The following PDE4B variants were observed in gnomAD, a reference collection of about 807,000 sequenced individuals.
PDE4B encodes phosphodiesterase 4B.
Under a neutral mutation model 82.2 loss-of-function variants are expected in PDE4B, and 20 were observed. The ratio of observed to expected loss-of-function variants is 0.24; its 90% CI spans 0.17 to 0.35. The LOEUF is 0.35. PDE4B is among the 10% of genes least tolerant of loss of function. The probability of loss-of-function intolerance (pLI) is 1.00; values close to 1 mark genes in which losing one functional copy is unlikely to be tolerated. For missense variants in PDE4B, 655 were observed against 907.2 expected (o/e 0.72, Z 3.57); for synonymous variants, 320 against 318.9 (o/e 1.00, Z -0.04).
At chr1:66,292,098 T>C (rs1657128653) in intron 7 of PDE4B, among the ~76,000 whole-genome samples, 1 of 152,210 alleles carries the variant, frequency 6.6e-6, no homozygotes, top group Non-Finnish European at 1.5e-5. Flanking sequence ...AGATGATTCT[T>C]GTATAAATCG....
chr1:66,371,807 T>C (rs976757690), intron 16 of PDE4B, among the ~76,000 whole-genome samples: 10 of 152,200 alleles, frequency 6.6e-5, no homozygotes, highest in African/African-American at 2.2e-4. Context: ...GGAAAAAATA[T>C]TGAGTCAAAA....
intron 16 of PDE4B, 47 bp downstream of exon 16, chr1:66,369,016 T>C (rs766552529): frequency 7.0e-7 from 1 of 1,418,494 alleles, no homozygotes; most frequent in Non-Finnish European, 9.7e-7. Context: ...CTGCTGATTA[T>C]AGAGCTGGAG....
At chr1:66,207,175 A>G (rs548841106) in intron 3 of PDE4B, among the ~76,000 whole-genome samples, 1 of 152,232 alleles carries the variant, frequency 6.6e-6, no homozygotes, top group African/African-American at 2.4e-5. Flanking sequence ...TTTTGTTTCC[A>G]GAGTAACTTG....
At chr1:66,097,844 T>C (rs1057456554) in intron 3 of PDE4B, among the ~76,000 whole-genome samples, 1 of 149,146 alleles carries the variant, frequency 6.7e-6, no homozygotes, top group African/African-American at 2.4e-5. Flanking sequence ...TTTTAGATAA[T>C]ACATTGTTTG....
intron 3 of PDE4B, among the ~76,000 whole-genome samples, chr1:66,077,763 AGACTTCCC>A (rs1656508454): frequency 6.6e-6 from 1 of 152,198 alleles, no homozygotes; most frequent in South Asian, 2.1e-4. Context: ...AGAAATAAAT[AGACTTCCC>A]GATTCAAATC....
intron 1 of PDE4B, among the ~76,000 whole-genome samples, chr1:65,818,463 C>G (rs1017354913): frequency 4.6e-5 from 7 of 151,904 alleles, no homozygotes; most frequent in African/African-American, 1.7e-4. Flanking sequence ...TTAATGGGCT[C>G]CCTTTTACCT....
chr1:65,836,745 A>G (rs979714138), intron 1 of PDE4B, among the ~76,000 whole-genome samples: 10 of 152,262 alleles, frequency 6.6e-5, no homozygotes, highest in Non-Finnish European at 1.2e-4. Context: ...ATCATCATAT[A>G]AAAGATTATT....
intron 3 of PDE4B, among the ~76,000 whole-genome samples, chr1:66,161,304 A>G (rs1299426043): frequency 6.6e-6 from 1 of 152,078 alleles, no homozygotes; most frequent in African/African-American, 2.4e-5. Context: ...ACACAATCAC[A>G]CACAATGGTC....
chr1:65,985,121 T>C (rs185791954), intron 3 of PDE4B, among the ~76,000 whole-genome samples: 1 of 152,294 alleles, frequency 6.6e-6, no homozygotes, highest in East Asian at 1.9e-4. Flanking sequence ...TCAGCTGATC[T>C]TGATCTAACC....
intron 3 of PDE4B, among the ~76,000 whole-genome samples, chr1:66,150,238 A>G (rs1276928261): frequency 6.6e-6 from 1 of 152,184 alleles, no homozygotes; most frequent in Non-Finnish European, 1.5e-5. Flanking sequence ...GTAACCCCAT[A>G]AGAATTCTGG....
At chr1:65,817,116 G>T (rs1223633737) in intron 1 of PDE4B, among the ~76,000 whole-genome samples, 1 of 152,130 alleles carries the variant, frequency 6.6e-6, no homozygotes, top group Admixed American at 6.5e-5. Context: ...TCTAAAGCCA[G>T]TGTGAAATTG....
rs566997423 is a variant in PDE4B at position 66,203,447 on chromosome 1, A to C, written c.282-44013A>C. ...GGTAATATCCTGCAGAGTGTTTTCC[A>C]ACTTGGTTCCATTCTCCCTGTCACT... is the stretch of plus-strand genomic sequence containing the variant. On this transcript the variant is annotated intron_variant, in intron 3 of 16. Coordinates refer to ENST00000341517, the MANE Select transcript of PDE4B (RefSeq NM_002600.4). Among the ~76,000 whole-genome samples, 19 of 152,290 alleles carry C rather than the reference A, an allele frequency of 1.2e-4. No homozygotes were observed. In the East Asian group the frequency reaches 3.7e-3, roughly 29 times the overall value.
intron 9 of PDE4B, among the ~76,000 whole-genome samples, chr1:66,361,386 T>A (rs886473261): frequency 1.3e-5 from 2 of 152,222 alleles, no homozygotes; most frequent in Admixed American, 6.5e-5. Context: ...CCTCTGGGCC[T>A]TAATTTGCCT....
At chr1:66,227,336 T>A (rs1372773815) in intron 3 of PDE4B, among the ~76,000 whole-genome samples, 1 of 152,206 alleles carries the variant, frequency 6.6e-6, no homozygotes, top group African/African-American at 2.4e-5. Flanking sequence ...TTTTTGATGC[T>A]TAACAGCTCT....
intron 3 of PDE4B, among the ~76,000 whole-genome samples, chr1:66,036,908 G>T (rs1444132839): frequency 6.6e-6 from 1 of 152,032 alleles, no homozygotes; most frequent in African/African-American, 2.4e-5. Context: ...GCCAACACAG[G>T]CAGATCATGA....
At position 66,241,528 on chromosome 1, in the gene PDE4B, A is replaced by T. The variant is rs573252454; in HGVS notation, c.282-5932A>T. Among the ~76,000 whole-genome samples, 4 of 151,708 alleles carry T rather than the reference A, an allele frequency of 2.6e-5. No homozygotes were observed. In the East Asian group the frequency reaches 7.8e-4, roughly 29 times the overall value. On this transcript the variant is annotated intron_variant, in intron 3 of 16. Coordinates refer to ENST00000341517, the MANE Select transcript of PDE4B (RefSeq NM_002600.4). ...TTTTCTTTTTTTTTCTTTTTGTGAGACTGAGTCTCACTCTGTTGCTCAGCT... is the reference window on the plus strand; with the variant it reads ...TTTTCTTTTTTTTTCTTTTTGTGAGTCTGAGTCTCACTCTGTTGCTCAGCT...
chr1:65,816,637 C>A (rs1025239936), intron 1 of PDE4B, among the ~76,000 whole-genome samples: 9 of 151,894 alleles, frequency 5.9e-5, no homozygotes, highest in Non-Finnish European at 1.5e-5. Flanking sequence ...TTATAATGGA[C>A]AAAGAAAGCA....
intron 1 of PDE4B, among the ~76,000 whole-genome samples, chr1:65,874,325 A>G (rs1203686962): frequency 6.6e-6 from 1 of 152,058 alleles, no homozygotes; most frequent in Non-Finnish European, 1.5e-5. Flanking sequence ...GGGCTGAGAC[A>G]ATGGGGTTTT....
intron 3 of PDE4B, among the ~76,000 whole-genome samples, chr1:66,161,140 T>C (rs1199631566): frequency 1.3e-5 from 2 of 152,176 alleles, no homozygotes; most frequent in Non-Finnish European, 2.9e-5. Flanking sequence ...GCACCTTCCT[T>C]TGGCATTCAA....
Sources: gnomAD v4.1 joint callset for allele counts (sites outside exome capture counted in the v4.1 genomes callset) on GRCh38, gnomAD v4.1.1 for gene constraint, MANE v1.5 for transcripts, NCBI Gene and HGNC (gene_info 2026-07-23, HGNC 2026-07-21) for gene names.